Variants in LHFPL6 observed in about 807,000 individuals in gnomAD.
LHFPL6 encodes LHFPL tetraspan subfamily member 6.
Under a neutral mutation model 20.6 loss-of-function variants are expected in LHFPL6, and 9 were observed. That is an observed-to-expected ratio of 0.44 (90% CI 0.26 to 0.76). The LOEUF (loss-of-function observed/expected upper bound fraction) is 0.76. LHFPL6 is among the 30% of genes least tolerant of loss of function. The pLI is 0.20. For missense variants in LHFPL6, 218 were observed against 253.5 expected (o/e 0.86, Z 0.95); for synonymous variants, 105 against 98.7 (o/e 1.06, Z -0.38).
intron 2 of LHFPL6, among the ~76,000 whole-genome samples, chr13:39,520,859 T>C (rs1366073128): frequency 6.6e-6 from 1 of 152,150 alleles, no homozygotes; most frequent in Non-Finnish European, 1.5e-5. Flanking sequence ...TCAGAATCTC[T>C]GGGTGTGGGT....
At chr13:39,557,735 G>A (rs1273571233) in intron 2 of LHFPL6, among the ~76,000 whole-genome samples, 1 of 152,228 alleles carries the variant, frequency 6.6e-6, no homozygotes, top group Non-Finnish European at 1.5e-5. Flanking sequence ...CCTCATGGGA[G>A]GTGTCGGATA....
intron 3 of LHFPL6, among the ~76,000 whole-genome samples, chr13:39,377,303 T>C (rs886489798): frequency 6.6e-6 from 1 of 152,226 alleles, no homozygotes; most frequent in African/African-American, 2.4e-5. Context: ...TTAAACGAAT[T>C]TGTATGCTTT....
intron 2 of LHFPL6, among the ~76,000 whole-genome samples, chr13:39,536,809 A>G (rs1212210377): frequency 6.6e-6 from 1 of 152,170 alleles, no homozygotes; most frequent in Non-Finnish European, 1.5e-5. Context: ...GTTCTGATTT[A>G]CCTCTTGTCT....
At chr13:39,571,484 G>T (rs910834688) in intron 2 of LHFPL6, among the ~76,000 whole-genome samples, 1 of 152,210 alleles carries the variant, frequency 6.6e-6, no homozygotes, top group Non-Finnish European at 1.5e-5. Context: ...TGACATCAGG[G>T]AAGATGACCT....
intron 2 of LHFPL6, among the ~76,000 whole-genome samples, chr13:39,412,518 C>G (rs1871257527): frequency 1.3e-5 from 2 of 152,158 alleles, no homozygotes; most frequent in African/African-American, 4.8e-5. Flanking sequence ...GGGAACTGTC[C>G]TCAGAGCTTT....
chr13:39,571,984 G>A (rs533870820), intron 2 of LHFPL6, among the ~76,000 whole-genome samples: 7 of 152,188 alleles, frequency 4.6e-5, no homozygotes, highest in East Asian at 1.9e-4. Context: ...CTCCCCTGCC[G>A]TGAGTTGGTG....
At chr13:39,413,177 A>G (rs1871272639) in intron 2 of LHFPL6, among the ~76,000 whole-genome samples, 1 of 152,192 alleles carries the variant, frequency 6.6e-6, no homozygotes, top group Non-Finnish European at 1.5e-5. Flanking sequence ...GGGAGAGATG[A>G]TATCTAATCA....
In LHFPL6 at chr13:39,468,680, C is replaced by T. The variant is rs148692538; in HGVS notation, c.386-90154G>A. ...AATGGTCTGAATACACCTTTCTGAT[C>T]AAAAACATCTAATATTACCCTTTTA... On this transcript the variant is annotated intron_variant, in intron 2 of 3. Transcript: ENST00000379589. 5.0e-3 allele frequency among the ~76,000 whole-genome samples: 761 copies of T among 152,268 alleles called. 9 individuals are homozygous for T. Among genetic ancestry groups the T allele is most frequent in the African/African-American group, 0.017 (716 of 41,562 alleles).
At chr13:39,529,252 T>G (rs375411025) in intron 2 of LHFPL6, among the ~76,000 whole-genome samples, 42 of 152,204 alleles carry the variant, frequency 2.8e-4, no homozygotes, top group South Asian at 2.3e-3. Flanking sequence ...CCACCATGCC[T>G]GGCTAATTTT....
chr13:39,506,785 A>G (rs1366905521), intron 2 of LHFPL6, among the ~76,000 whole-genome samples: 1 of 152,316 alleles, frequency 6.6e-6, no homozygotes, highest in East Asian at 1.9e-4. Flanking sequence ...TGAGGCAGCT[A>G]TGTAATTATA....
intron 2 of LHFPL6, among the ~76,000 whole-genome samples, chr13:39,552,611 G>C (rs1871172301): frequency 6.6e-6 from 1 of 152,182 alleles, no homozygotes; most frequent in Non-Finnish European, 1.5e-5. Flanking sequence ...GTCCTTTCTT[G>C]GAATGATATT....
intron 2 of LHFPL6, among the ~76,000 whole-genome samples, chr13:39,443,548 G>C (rs1872197472): frequency 6.6e-6 from 1 of 151,982 alleles, no homozygotes; most frequent in African/African-American, 2.4e-5. Context: ...TGAATGGAGT[G>C]GTAAGGGCAA....
intron 2 of LHFPL6, among the ~76,000 whole-genome samples, chr13:39,412,228 C>T (rs1871253791): frequency 1.3e-5 from 2 of 152,164 alleles, no homozygotes; most frequent in Admixed American, 1.3e-4. Context: ...TTGTTTATGA[C>T]CAGACTGATT....
chr13:39,512,601 CA>C (rs565183661), intron 2 of LHFPL6, among the ~76,000 whole-genome samples: 89 of 109,560 alleles, frequency 8.1e-4, no homozygotes, highest in Middle Eastern at 4.4e-3. Context: ...GCCTCCGTCT[CA>C]AAAAAAAAAA....
At chr13:39,522,725 T>A (rs1391750428) in intron 2 of LHFPL6, among the ~76,000 whole-genome samples, 1 of 152,260 alleles carries the variant, frequency 6.6e-6, no homozygotes, top group African/African-American at 2.4e-5. Flanking sequence ...ATGATCTGTA[T>A]ATTTGTTTGT....
intron 2 of LHFPL6, among the ~76,000 whole-genome samples, chr13:39,499,633 T>G (rs970505137): frequency 2.6e-5 from 4 of 152,222 alleles, no homozygotes; most frequent in Non-Finnish European, 5.9e-5. Context: ...TCTAGGACAC[T>G]ACCTGGGTTT....
chr13:39,542,281 G>C (rs1437186518), intron 2 of LHFPL6, among the ~76,000 whole-genome samples: 1 of 151,894 alleles, frequency 6.6e-6, no homozygotes, highest in Non-Finnish European at 1.5e-5. Flanking sequence ...AAAATGTATT[G>C]AGCTGTGGAA....
At chr13:39,581,497 G>A (rs1302617958) in intron 2 of LHFPL6, among the ~76,000 whole-genome samples, 3 of 147,194 alleles carry the variant, frequency 2.0e-5, no homozygotes, top group Non-Finnish European at 3.0e-5. Context: ...CTTCCACCAG[G>A]CGATCAAAAT....
At chr13:39,446,177 C>T (rs1872283892) in intron 2 of LHFPL6, among the ~76,000 whole-genome samples, 1 of 152,064 alleles carries the variant, frequency 6.6e-6, no homozygotes, top group Admixed American at 6.6e-5. Context: ...CACTGGAAGG[C>T]CCTGATAAAG....
Sources: gnomAD v4.1 joint callset for allele counts (sites outside exome capture counted in the v4.1 genomes callset) on GRCh38, gnomAD v4.1.1 for gene constraint, MANE v1.5 for transcripts, NCBI Gene and HGNC (gene_info 2026-07-23, HGNC 2026-07-21) for gene names.